CLEC16A: variants seen among roughly 807,000 people sequenced by gnomAD.
The protein encoded by CLEC16A is C-type lectin domain containing 16A.
CLEC16A carries 51 observed loss-of-function variants against 109.5 expected under a neutral mutation model. The ratio of observed to expected loss-of-function variants is 0.47; its 90% confidence interval spans 0.37 to 0.59. CLEC16A has a LOEUF of 0.59. CLEC16A is among the 20% of genes least tolerant of loss of function. CLEC16A has a pLI of 0.00. For missense variants in CLEC16A, 1,339 were observed against 1,394.0 expected (o/e 0.96, Z 0.63); for synonymous variants, 673 against 564.2 (o/e 1.19, Z -2.73).
chr16:11,148,134 A>C (rs2054144247), intron 22 of CLEC16A, among the ~76,000 whole-genome samples: 1 of 152,234 alleles, frequency 6.6e-6, no homozygotes, highest in Non-Finnish European at 1.5e-5. Flanking sequence ...AAGAATTAGA[A>C]TCACTGCTGT....
rs560686241 is a variant in CLEC16A, at chr16:11,015,772, G to T, written c.1304-4421G>T. 2.0e-5 allele frequency among the ~76,000 whole-genome samples: 3 copies of T among 152,386 alleles called. No individual in the cohort carries two copies. In the South Asian group the frequency reaches 6.2e-4, roughly 32 times the overall value. Reference sequence around the variant, plus strand: ...TCACAAAGCTTGGCCTCCAGGCCAGGGTGCTGGGGCTTGGCCCTGTAACCT... The same window carrying T: ...TCACAAAGCTTGGCCTCCAGGCCAGTGTGCTGGGGCTTGGCCCTGTAACCT... On this transcript the variant is annotated intron_variant, in intron 11 of 23. Coordinates refer to ENST00000409790, the MANE Select transcript of CLEC16A (RefSeq NM_015226.3).
intron 2 of CLEC16A, among the ~76,000 whole-genome samples, 178 bp from the exon 3 acceptor site, chr16:10,962,277 A>G (rs1188562770): frequency 6.6e-6 from 1 of 152,122 alleles, no homozygotes; most frequent in Admixed American, 6.5e-5. Flanking sequence ...TCATAATTAT[A>G]TCTTATTCCT....
At chr16:11,041,984 T>C (rs1166477957) in intron 14 of CLEC16A, 1 of 416,342 alleles carries the variant, frequency 2.4e-6, no homozygotes, top group East Asian at 4.4e-5. Context: ...CTCAACAGTG[T>C]TTAGTCACCC....
At chr16:11,126,219 G>C (rs2052806574) in intron 22 of CLEC16A, 73 bp downstream of exon 22, 1 of 1,592,076 alleles carries the variant, frequency 6.3e-7, no homozygotes, top group Non-Finnish European at 8.5e-7. Flanking sequence ...TCTCTGTGGA[G>C]CCTGTGTGAG....
intron 23 of CLEC16A, among the ~76,000 whole-genome samples, chr16:11,170,547 C>G (rs997484848): frequency 2.0e-5 from 3 of 152,236 alleles, no homozygotes; most frequent in African/African-American, 7.2e-5. Context: ...GATTTAGGCT[C>G]AGGCTGTCCT....
At chr16:11,049,324 G>A (rs530708329) in intron 17 of CLEC16A, among the ~76,000 whole-genome samples, 9 of 151,782 alleles carry the variant, frequency 5.9e-5, no homozygotes, top group Admixed American at 2.0e-4. Flanking sequence ...TTTTAAATCC[G>A]TAAGGTGGGG....
At chr16:11,128,478 G>A (rs2052981945) in intron 22 of CLEC16A, among the ~76,000 whole-genome samples, 1 of 152,240 alleles carries the variant, frequency 6.6e-6, no homozygotes, top group Non-Finnish European at 1.5e-5. Flanking sequence ...GCAAGTCAGA[G>A]GTGGCTGCTG....
chr16:11,042,191 C>A (rs2302557), intron 14 of CLEC16A, 63 bp from the exon 15 acceptor site: 1 of 1,210,674 alleles, frequency 8.3e-7, no homozygotes, highest in Non-Finnish European at 1.2e-6. Flanking sequence ...GGATAGGCAG[C>A]AGTCTTGGGT....
intron 22 of CLEC16A, among the ~76,000 whole-genome samples, chr16:11,152,933 G>A (rs1005725061): frequency 1.3e-5 from 2 of 152,102 alleles, no homozygotes; most frequent in African/African-American, 4.8e-5. Flanking sequence ...CTCTAAAACC[G>A]TGGGGCTGAC....
chr16:11,136,680 G>A (rs1408358433), intron 22 of CLEC16A, among the ~76,000 whole-genome samples: 2 of 152,246 alleles, frequency 1.3e-5, no homozygotes, highest in East Asian at 3.8e-4. Context: ...GTGTAATAGA[G>A]CAGGCAGAAT....
chr16:11,155,252 C>A (rs1177337784), intron 22 of CLEC16A, among the ~76,000 whole-genome samples: 1 of 152,098 alleles, frequency 6.6e-6, no homozygotes, highest in Non-Finnish European at 1.5e-5. Context: ...ATGCTTTCAT[C>A]CTCACGAACC....
At position 11,123,923 on chromosome 16, in the gene CLEC16A, G is replaced by T. The variant is rs765317406; in HGVS notation, c.2450G>T (p.Arg817Leu). 3.1e-6 allele frequency: 5 copies of T among 1,611,320 alleles called. No individual in the cohort carries two copies. The highest frequency in any genetic ancestry group is 1.7e-5 in the Admixed American group (1 of 59,742). ...GCCAAAGGCCGCATCCAGGCAAGGC[G>T]CATGAAGATGCAGAGAATAGCTGGT... Reference protein sequence around the residue: ...RLAKGRIQARRMKMQRIAALL... With the variant: ...RLAKGRIQARLMKMQRIAALL... Residue 817 changes from arginine (R) to leucine (L), a missense_variant, in exon 21 of 24, where the codon CGC becomes CTC. Coordinates refer to ENST00000409790, the MANE Select transcript of CLEC16A (RefSeq NM_015226.3).
Position 11,003,148 on chromosome 16 carries a change from G to C in CLEC16A, c.1146G>C (p.Lys382Asn). The C allele has an allele frequency of 6.2e-7, 1 of 1,613,384 alleles. No homozygotes were observed. Residue 382 changes from lysine to asparagine, a missense_variant, in exon 11 of 24, where the codon AAG becomes AAC. Lys to Asn is a moderately conservative substitution (Grantham distance 94). Around this residue, in one of 3 missense-constraint regions of CLEC16A, gnomAD observed 1,061 missense variants for 1,006.8 expected, o/e 1.05. Transcript: ENST00000409790. ...LERSLEMNKHKGKRRVQKRPN... is the reference protein window; with the variant it reads ...LERSLEMNKHNGKRRVQKRPN... ...GGTCCCTTGAGATGAACAAGCACAA[G>C]GGCAAGAGGCGGGTGCAAAAGAGAC... is the stretch of plus-strand genomic sequence containing the variant.
chr16:10,978,859 ATTC>A (rs965666003), intron 8 of CLEC16A, among the ~76,000 whole-genome samples: 78 of 152,172 alleles, frequency 5.1e-4, no homozygotes, highest in African/African-American at 1.5e-3. Context: ...GGGCCTAACT[ATTC>A]TTCTCTAACA....
chr16:11,152,522 T>C (rs2054331772), intron 22 of CLEC16A, among the ~76,000 whole-genome samples: 1 of 152,242 alleles, frequency 6.6e-6, no homozygotes, highest in Non-Finnish European at 1.5e-5. Context: ...GACATTGACA[T>C]CTGGTGGGTT....
In CLEC16A at chr16:10,944,732, G is replaced by C. The variant is rs569217167; in HGVS notation, c.15G>C (p.Ser5=). 4.4e-6 allele frequency: 7 copies of C among 1,608,152 alleles called. No individual in the cohort carries two copies. The highest frequency in any genetic ancestry group is 2.2e-5 in the East Asian group (1 of 44,792). The change falls in exon 1 of 24, where the codon TCG becomes TCC. Residue 5 remains serine, a synonymous_variant. Coordinates refer to ENST00000409790, the MANE Select transcript of CLEC16A (RefSeq NM_015226.3). MFGR[S]RSWVGGGHGK... is the part of the protein sequence containing the mutation. ...GGGCCGCCGACATGTTTGGCCGCTC[G>C]CGGAGCTGGGTGGGCGGGGGCCATG...
intron 1 of CLEC16A, among the ~76,000 whole-genome samples, chr16:10,956,513 C>T (rs1051042490): frequency 6.6e-6 from 1 of 152,194 alleles, no homozygotes; most frequent in African/African-American, 2.4e-5. Flanking sequence ...TTGGTGTCTG[C>T]TTTTCCTTCT....
At chr16:11,144,940 G>A (rs2053989787) in intron 22 of CLEC16A, among the ~76,000 whole-genome samples, 1 of 152,120 alleles carries the variant, frequency 6.6e-6, no homozygotes, top group African/African-American at 2.4e-5. Flanking sequence ...ATGGTGTCCT[G>A]GGGCTAACTC....
chr16:11,117,662 A>C (rs927718228), intron 19 of CLEC16A, among the ~76,000 whole-genome samples: 1 of 151,916 alleles, frequency 6.6e-6, no homozygotes. Context: ...TACTTCTCCC[A>C]CACACACACA....
Sources: allele counts gnomAD v4.1 joint callset (sites outside exome capture counted in the v4.1 genomes callset), GRCh38; gene constraint gnomAD v4.1.1; regional missense constraint gnomAD v4.1.1; transcripts MANE v1.5; gene names NCBI Gene and HGNC (gene_info 2026-07-23, HGNC 2026-07-21).